Variants in ITPR2 observed in about 807,000 individuals in gnomAD.
ITPR2 encodes inositol 1,4,5-trisphosphate receptor type 2.
A neutral mutation model predicts 317.1 loss-of-function variants in ITPR2; 207 were observed. That is an observed-to-expected ratio of 0.65 (90% CI 0.58 to 0.73). The LOEUF (loss-of-function observed/expected upper bound fraction) is 0.73, where lower values mean the gene tolerates loss of function less well. ITPR2 is among the 30% of genes least tolerant of loss of function. The pLI, the probability that ITPR2 is intolerant of heterozygous loss-of-function variation, is 0.00. For synonymous variants in ITPR2, 1,156 were observed against 1,149.1 expected, an observed-to-expected ratio of 1.01 and a Z score of -0.12; for missense variants, 2,613 against 3,284.0, an observed-to-expected ratio of 0.80 and a Z score of 4.99.
Position 26,657,713 on chromosome 12 carries a change from T to C in ITPR2, c.2186A>G (p.Tyr729Cys), listed in dbSNP as rs1400101444. 2 of 1,613,444 alleles carry C rather than the reference T, an allele frequency of 1.2e-6. No individual in the cohort carries two copies. Among genetic ancestry groups the C allele is most frequent in the Non-Finnish European group, 1.7e-6 (2 of 1,179,446 alleles). The change falls in exon 18 of 57, where the codon TAT becomes TGT. Residue 729 changes from tyrosine to cysteine, a missense_variant. Physicochemically the swap from Tyr to Cys is radical, Grantham distance 194. Transcript: ENST00000381340. ...GTKADLEVLTYYRYQLNLFAR... is the reference protein window; with the variant it reads ...GTKADLEVLTCYRYQLNLFAR... The stretch of plus-strand genomic sequence containing the variant: ...ATTGTCTATAATACTTAACCTGTAA[T>C]AGGTAAGAACTTCTAAGTCAGCTTT...
rs963517579 is a variant in ITPR2 at position 26,483,871 on chromosome 12, T to C, written c.5839A>G (p.Thr1947Ala). 1.2e-6 allele frequency: 2 copies of C among 1,614,192 alleles called. No homozygotes were observed. The highest frequency in any genetic ancestry group is 1.3e-5 in the African/African-American group (1 of 75,062). Residue 1947 changes from threonine (T) to alanine (A), a missense_variant, in exon 42 of 57, where the codon ACA becomes GCA. By Grantham distance (58) the Thr-to-Ala change is moderately conservative (BLOSUM62 0). Around this residue, in one of 9 missense-constraint regions of ITPR2, gnomAD observed 926 missense variants for 1,072.8 expected, o/e 0.86. Coordinates refer to ENST00000381340, the MANE Select transcript of ITPR2 (RefSeq NM_002223.4). ...QNFLRNQNNK[T>A]NYNLVCETLQ... The stretch of plus-strand genomic sequence containing the variant: ...GTCTCACAGACTAGGTTGTAATTTG[T>C]TTTGTTGTTTTGATTCCTCAAGAAG...
chr12:26,661,097 AAC>A (rs1341863363), intron 15 of ITPR2, among the ~76,000 whole-genome samples: 1 of 152,056 alleles, frequency 6.6e-6, no homozygotes, highest in East Asian at 1.9e-4. Context: ...ATTCAATTAG[AAC>A]ACACAACAGA....
At chr12:26,817,483 T>A (rs1950879515) in intron 1 of ITPR2, among the ~76,000 whole-genome samples, 1 of 152,248 alleles carries the variant, frequency 6.6e-6, no homozygotes, top group East Asian at 1.9e-4. Context: ...GACAAGCTGC[T>A]TTTCAGCCCC....
In ITPR2 at chr12:26,666,585, C is replaced by T. The variant is rs150698844; in HGVS notation, c.1410-534G>A. Among the ~76,000 whole-genome samples the T allele has an allele frequency of 2.7e-3, 415 of 152,248 alleles. 2 individuals carry two copies. The highest frequency in any genetic ancestry group is 9.7e-3 in the African/African-American group (402 of 41,534). On this transcript the variant is annotated intron_variant, in intron 13 of 56. Coordinates refer to ENST00000381340, the MANE Select transcript of ITPR2 (RefSeq NM_002223.4). ...CTGTTAAACTACATTTCCTAATCCT[C>T]GCCACATTTCAACTTGCCCAATGTA...
intron 2 of ITPR2, among the ~76,000 whole-genome samples, chr12:26,779,289 G>A (rs1332706306): frequency 6.6e-6 from 1 of 152,174 alleles, no homozygotes; most frequent in Non-Finnish European, 1.5e-5. Context: ...TCTTGGTCTG[G>A]TACTGGGCTT....
chr12:26,668,780 A>G (rs1474044153), intron 13 of ITPR2, among the ~76,000 whole-genome samples: 1 of 151,372 alleles, frequency 6.6e-6, no homozygotes, highest in Non-Finnish European at 1.5e-5. Flanking sequence ...AAAAAGGCCA[A>G]TATAAATGAA....
At chr12:26,660,219 A>T (rs1313958229) in intron 15 of ITPR2, among the ~76,000 whole-genome samples, 1 of 152,244 alleles carries the variant, frequency 6.6e-6, no homozygotes, top group African/African-American at 2.4e-5. Context: ...TTTGAGAGGT[A>T]GGTCAAAAGA....
chr12:26,719,661 G>C (rs1048854288), intron 5 of ITPR2, among the ~76,000 whole-genome samples: 1 of 152,070 alleles, frequency 6.6e-6, no homozygotes, highest in Non-Finnish European at 1.5e-5. Context: ...GTGCAGGTTT[G>C]TTACATATGT....
At chr12:26,541,223 A>G (rs1392308426) in intron 37 of ITPR2, among the ~76,000 whole-genome samples, 1 of 151,956 alleles carries the variant, frequency 6.6e-6, no homozygotes, top group African/African-American at 2.4e-5. Context: ...AGGCTGAGAC[A>G]GGAGAATCAC....
In ITPR2 at chr12:26,543,355, T is replaced by C. The variant is rs148208202; in HGVS notation, c.5073+6892A>G. 9.6e-4 allele frequency among the ~76,000 whole-genome samples: 146 copies of C among 151,810 alleles called. 1 individual carries two copies. Among genetic ancestry groups the C allele is most frequent in the African/African-American group, 3.3e-3 (137 of 41,428 alleles). On this transcript the variant is annotated intron_variant, in intron 37 of 56. Coordinates refer to ENST00000381340, the MANE Select transcript of ITPR2 (RefSeq NM_002223.4). ...ATCAGCACACACATACTATCAGATA[T>C]TGTGTGTGTTTGTGTGTGTGTGTGA...
At chr12:26,443,261 G>A (rs1452574581) in intron 46 of ITPR2, among the ~76,000 whole-genome samples, 2 of 151,924 alleles carry the variant, frequency 1.3e-5, no homozygotes, top group African/African-American at 2.4e-5. Flanking sequence ...TCTCTCAAAC[G>A]CTATTGCTCT....
chr12:26,516,325 A>AGGAAAGGAAAGGAAAGGAAAGGAAG, intron 37 of ITPR2, among the ~76,000 whole-genome samples: 1 of 146,180 alleles, frequency 6.8e-6, no homozygotes, highest in South Asian at 2.2e-4. Flanking sequence ...AGGAAAGGAA[A>AGGAAAGGAAAGGAAAGGAAAGGAAG]GGAAAGGAAA....
At chr12:26,596,360 T>C (rs1390081486) in intron 31 of ITPR2, among the ~76,000 whole-genome samples, 1 of 152,196 alleles carries the variant, frequency 6.6e-6, no homozygotes, top group Non-Finnish European at 1.5e-5. Context: ...TAAAAGTTTC[T>C]CATAGGCTGG....
chr12:26,400,046 C>G (rs1264839325), intron 53 of ITPR2, 82 bp downstream of exon 53: 18 of 1,416,720 alleles, frequency 1.3e-5, no homozygotes, highest in Middle Eastern at 3.7e-4. Context: ...TTCCTGAAAA[C>G]CAAAACTAAA....
intron 10 of ITPR2, among the ~76,000 whole-genome samples, chr12:26,690,334 T>A (rs1948212267): frequency 6.8e-6 from 1 of 146,290 alleles, no homozygotes; most frequent in Non-Finnish European, 1.5e-5. Context: ...CTCTCACCAT[T>A]GCCTAGTGTA....
intron 52 of ITPR2, among the ~76,000 whole-genome samples, chr12:26,409,100 G>C (rs1243486129): frequency 1.3e-5 from 2 of 152,098 alleles, no homozygotes; most frequent in Non-Finnish European, 2.9e-5. Flanking sequence ...TGGAAAATGA[G>C]GGACACCTGT....
chr12:26,622,916 G>C lies in ITPR2; in HGVS notation c.3123-511C>G, dbSNP rs372801500. 6.6e-5 allele frequency among the ~76,000 whole-genome samples: 10 copies of C among 152,304 alleles called. 1 individual carries two copies. Among genetic ancestry groups the C allele is most frequent in the African/African-American group, 2.2e-4 (9 of 41,570 alleles). ...TTCCACTGGAACAAAAGGTCCATCTGTTTCAAGATGAAATCATATACTGGT... is the reference window on the plus strand; with the variant it reads ...TTCCACTGGAACAAAAGGTCCATCTCTTTCAAGATGAAATCATATACTGGT... On this transcript the variant is annotated intron_variant, in intron 24 of 56. Coordinates refer to ENST00000381340, the MANE Select transcript of ITPR2 (RefSeq NM_002223.4).
At chr12:26,609,868 A>C (rs1946224768) in intron 26 of ITPR2, among the ~76,000 whole-genome samples, 1 of 152,230 alleles carries the variant, frequency 6.6e-6, no homozygotes, top group African/African-American at 2.4e-5. Context: ...ATAAACCAAA[A>C]GTTATTTTTC....
chr12:26,774,540 G>A (rs1312844965), intron 2 of ITPR2, among the ~76,000 whole-genome samples: 19 of 152,174 alleles, frequency 1.2e-4, no homozygotes, highest in Non-Finnish European at 2.8e-4. Context: ...AATTAAGTCA[G>A]CACCAACAAT....
Sources: gnomAD v4.1 joint callset for allele counts (sites outside exome capture counted in the v4.1 genomes callset) on GRCh38, gnomAD v4.1.1 for gene constraint, gnomAD v4.1.1 regional missense constraint, MANE v1.5 for transcripts, NCBI Gene and HGNC (gene_info 2026-07-23, HGNC 2026-07-21) for gene names.